The following PCDH15 variants were observed in gnomAD, a reference collection of about 807,000 sequenced individuals.
PCDH15 encodes the protein protocadherin-15.
PCDH15 carries 129 observed loss-of-function variants against 178.5 expected under a neutral mutation model. That is an observed-to-expected ratio of 0.72 (90% CI 0.63 to 0.84). PCDH15 has a LOEUF of 0.84. PCDH15 is among the 40% of genes least tolerant of loss of function. The pLI is 0.00. For missense variants in PCDH15, 2,230 were observed against 2,099.9 expected (o/e 1.06, Z -1.21); for synonymous variants, 800 against 732.0 (o/e 1.09, Z -1.50).
chr10:54,475,029 C>T (rs1329230648), intron 3 of PCDH15, among the ~76,000 whole-genome samples: 2 of 151,820 alleles, frequency 1.3e-5, no homozygotes, highest in African/African-American at 4.8e-5. Context: ...TAATCTACAA[C>T]TTATTCTCCT....
At chr10:54,556,189 A>G (rs1254481574) in intron 2 of PCDH15, among the ~76,000 whole-genome samples, 1 of 152,160 alleles carries the variant, frequency 6.6e-6, no homozygotes, top group Non-Finnish European at 1.5e-5. Flanking sequence ...GAGATTATGT[A>G]TTTTAGCATT....
chr10:54,224,572 T>C (rs1004162437), intron 9 of PCDH15, among the ~76,000 whole-genome samples: 1 of 152,162 alleles, frequency 6.6e-6, no homozygotes, highest in African/African-American at 2.4e-5. Flanking sequence ...ATTATATTAA[T>C]ATTCCATTCC....
intron 2 of PCDH15, among the ~76,000 whole-genome samples, chr10:54,614,680 T>C (rs1015872212): frequency 1.3e-5 from 2 of 152,064 alleles, no homozygotes; most frequent in Non-Finnish European, 2.9e-5. Context: ...ATTGTCATTC[T>C]ACTTTCTTCT....
chr10:55,402,531 A>C (rs1838096401), intron 2 of PCDH15, among the ~76,000 whole-genome samples: 1 of 151,746 alleles, frequency 6.6e-6, no homozygotes, highest in African/African-American at 2.4e-5. Context: ...GCCTCTAATA[A>C]CCATTATGCT....
intron 2 of PCDH15, among the ~76,000 whole-genome samples, chr10:54,958,724 T>C (rs1838559035): frequency 6.6e-6 from 1 of 150,938 alleles, no homozygotes; most frequent in African/African-American, 2.4e-5. Flanking sequence ...ACCATGAAAA[T>C]AGGGCATAAA....
chr10:55,540,334 G>A (rs1047752697), intron 2 of PCDH15, among the ~76,000 whole-genome samples: 2 of 151,992 alleles, frequency 1.3e-5, no homozygotes, highest in Admixed American at 6.6e-5. Context: ...CCCCATAGAT[G>A]AAATATCTCC....
intron 2 of PCDH15, among the ~76,000 whole-genome samples, chr10:55,395,192 TGTGTGAGAGAGAGAGA>T (rs1394106584): frequency 2.2e-5 from 2 of 89,064 alleles, no homozygotes; most frequent in Non-Finnish European, 4.5e-5. Flanking sequence ...TGTGTGTGTG[TGTGTGAGAGAGAGAGA>T]GAGAGAGAGA....
intron 15 of PCDH15, among the ~76,000 whole-genome samples, chr10:54,101,773 C>T (rs149163632): frequency 3.0e-4 from 46 of 151,806 alleles, no homozygotes; most frequent in African/African-American, 1.0e-3. Context: ...TTAAAAACAG[C>T]GTGGGCAACA....
chr10:54,591,261 C>T (rs1368709505), intron 2 of PCDH15, among the ~76,000 whole-genome samples: 2 of 152,186 alleles, frequency 1.3e-5, no homozygotes, highest in African/African-American at 4.8e-5. Flanking sequence ...TATGGAAAAA[C>T]TGTCCCAAAT....
At chr10:54,483,345 T>C (rs2078857811) in intron 3 of PCDH15, among the ~76,000 whole-genome samples, 1 of 151,812 alleles carries the variant, frequency 6.6e-6, no homozygotes, top group African/African-American at 2.4e-5. Flanking sequence ...TATATTGGTG[T>C]GGGATTTTGA....
intron 2 of PCDH15, among the ~76,000 whole-genome samples, chr10:55,042,190 A>T (rs1199175496): frequency 1.3e-5 from 2 of 152,166 alleles, no homozygotes; most frequent in Admixed American, 6.6e-5. Flanking sequence ...AACCATGTTT[A>T]TAACCCTCTG....
chr10:54,962,333 C>A (rs186196643), intron 2 of PCDH15, among the ~76,000 whole-genome samples: 1 of 152,268 alleles, frequency 6.6e-6, no homozygotes, highest in East Asian at 1.9e-4. Flanking sequence ...TGGGACTGGA[C>A]CAGCCCAGGA....
At chr10:54,043,225 G>A (rs1053973167) in intron 18 of PCDH15, among the ~76,000 whole-genome samples, 3 of 151,998 alleles carry the variant, frequency 2.0e-5, no homozygotes, top group African/African-American at 7.2e-5. Flanking sequence ...TGTTGAAAAA[G>A]AATAAATGAA....
In PCDH15 at chr10:54,196,812, C is replaced by G. The variant is rs189636137; in HGVS notation, c.1099-923G>C. Among the ~76,000 whole-genome samples the G allele has an allele frequency of 6.0e-3, 908 of 152,160 alleles. 8 individuals are homozygous for G. Among genetic ancestry groups the G allele is most frequent in the African/African-American group, 0.018 (745 of 41,506 alleles). On this transcript the variant is annotated intron_variant, in intron 10 of 37. Transcript: ENST00000644397. Reference sequence around the variant, plus strand: ...AAAAGGGTCTAGAGGGCTCCTTTTCCCCGCCTCCCACCACGTGAGAACAAG... The same window carrying G: ...AAAAGGGTCTAGAGGGCTCCTTTTCGCCGCCTCCCACCACGTGAGAACAAG...
chr10:54,213,691 G>C (rs1466113463), intron 10 of PCDH15, among the ~76,000 whole-genome samples: 1 of 151,966 alleles, frequency 6.6e-6, no homozygotes, highest in East Asian at 1.9e-4. Flanking sequence ...GCTTGACCAA[G>C]GCATTTGTTA....
intron 2 of PCDH15, among the ~76,000 whole-genome samples, chr10:55,597,466 C>A (rs1283336987): frequency 6.6e-6 from 1 of 152,052 alleles, no homozygotes; most frequent in Non-Finnish European, 1.5e-5. Flanking sequence ...CATAATTTAA[C>A]CATGAACACT....
At chr10:54,655,428 GGTGTGT>G (rs371162241) in intron 2 of PCDH15, 18,538 of 141,844 alleles carry the variant, frequency 0.13, 1,184 homozygotes, top group Non-Finnish European at 0.15. Context: ...TGTGTGGTGG[GGTGTGT>G]GTGTGTGTGT....
chr10:54,854,157 G>T (rs1269740353), intron 3 of PCDH15, among the ~76,000 whole-genome samples: 1 of 152,164 alleles, frequency 6.6e-6, no homozygotes, highest in Non-Finnish European at 1.5e-5. Context: ...TCTCTGCAAG[G>T]CTGTGGCCAA....
intron 26 of PCDH15, among the ~76,000 whole-genome samples, chr10:53,873,651 T>A (rs1490622725): frequency 1.3e-5 from 2 of 152,154 alleles, no homozygotes; most frequent in Non-Finnish European, 2.9e-5. Context: ...GATAAAATAT[T>A]CTAAGAAATC....
Sources: gnomAD v4.1 joint callset for allele counts (sites outside exome capture counted in the v4.1 genomes callset) on GRCh38, gnomAD v4.1.1 for gene constraint, MANE v1.5 for transcripts, NCBI Gene and HGNC (gene_info 2026-07-23, HGNC 2026-07-21) for gene names.